Variants in CSNK2A2IP observed in about 807,000 individuals in gnomAD.
CSNK2A2IP encodes casein kinase 2 subunit alpha' interacting protein, also known as casein kinase II subunit alpha'-interacting protein.
the CSNK2A2IP span, among the ~76,000 whole-genome samples, chr3:88,463,550 A>G: frequency 6.6e-6 from 1 of 152,186 alleles, no homozygotes; most frequent in Non-Finnish European, 1.5e-5. Flanking sequence ...CACATGAAAA[A>G]ATGCTCATCA....
the CSNK2A2IP span, among the ~76,000 whole-genome samples, chr3:88,434,785 G>A: frequency 6.6e-6 from 1 of 152,116 alleles, no homozygotes; most frequent in Non-Finnish European, 1.5e-5. Context: ...GACATTTAAA[G>A]ATTCAAAACT....
chr3:88,455,767 T>A, the CSNK2A2IP span, among the ~76,000 whole-genome samples: 6 of 152,106 alleles, frequency 3.9e-5, no homozygotes, highest in Non-Finnish European at 8.8e-5. Context: ...TATAAAAAAA[T>A]CATTACTAAA....
the CSNK2A2IP span, among the ~76,000 whole-genome samples, chr3:88,461,769 A>AT: frequency 4.0e-5 from 6 of 151,740 alleles, no homozygotes; most frequent in African/African-American, 1.5e-4. Flanking sequence ...CACTTTATTG[A>AT]TTTTTTATTT....
chr3:88,339,571 A>G, the CSNK2A2IP span, among the ~76,000 whole-genome samples: 2 of 152,016 alleles, frequency 1.3e-5, no homozygotes, highest in Admixed American at 6.6e-5. Context: ...GCACTCACAT[A>G]TATTTTAAGG....
chr3:88,467,070 T>C, the CSNK2A2IP span: 4 of 872,274 alleles, frequency 4.6e-6, no homozygotes, highest in Non-Finnish European at 6.1e-6. Flanking sequence ...AGGGACTTAA[T>C]ATGAAGCAAA....
the CSNK2A2IP span, among the ~76,000 whole-genome samples, chr3:88,435,909 TTA>T: frequency 1.0e-5 from 1 of 96,114 alleles, no homozygotes; most frequent in Non-Finnish European, 2.1e-5. Flanking sequence ...TATGTGTGCA[TTA>T]TATATATAAT....
the CSNK2A2IP span, among the ~76,000 whole-genome samples, chr3:88,381,158 G>C: frequency 1.3e-5 from 2 of 152,288 alleles, no homozygotes; most frequent in East Asian, 1.9e-4. Flanking sequence ...CCTGAGATTA[G>C]GGTGTGGCAG....
the CSNK2A2IP span, among the ~76,000 whole-genome samples, chr3:88,408,192 A>C: frequency 1.3e-5 from 2 of 152,340 alleles, no homozygotes; most frequent in African/African-American, 4.8e-5. Context: ...CTCAGTGTTC[A>C]ATGTCATGTC....
the CSNK2A2IP span, among the ~76,000 whole-genome samples, chr3:88,399,328 T>C: frequency 3.9e-5 from 6 of 152,312 alleles, no homozygotes; most frequent in South Asian, 1.2e-3. Context: ...AAATACATCA[T>C]CTACCTTCTA....
the CSNK2A2IP span, chr3:88,338,604 A>G: frequency 6.6e-6 from 1 of 152,184 alleles, no homozygotes; most frequent in East Asian, 1.9e-4. Context: ...CACTACAGCT[A>G]TAGGGATGAG....
chr3:88,456,398 A>T, the CSNK2A2IP span, among the ~76,000 whole-genome samples: 1 of 152,098 alleles, frequency 6.6e-6, no homozygotes, highest in Non-Finnish European at 1.5e-5. Flanking sequence ...TTCAGTGAGT[A>T]GAACTTTCAT....
chr3:88,402,121 G>A, the CSNK2A2IP span, among the ~76,000 whole-genome samples: 13 of 151,628 alleles, frequency 8.6e-5, no homozygotes, highest in African/African-American at 3.1e-4. Flanking sequence ...AATTTGGCAA[G>A]CTACATCACA....
chr3:88,414,265 A>C, the CSNK2A2IP span, among the ~76,000 whole-genome samples: 2 of 142,732 alleles, frequency 1.4e-5, no homozygotes, highest in Non-Finnish European at 3.0e-5. Flanking sequence ...AATTGTACCA[A>C]CAAAGTTTTT....
At chr3:88,356,639 A>G in the CSNK2A2IP span, among the ~76,000 whole-genome samples, 1 of 152,052 alleles carries the variant, frequency 6.6e-6, no homozygotes, top group African/African-American at 2.4e-5. Flanking sequence ...ATCATATGAG[A>G]GTTCTATTTT....
chr3:88,415,881 C>T, the CSNK2A2IP span, among the ~76,000 whole-genome samples: 5 of 151,870 alleles, frequency 3.3e-5, no homozygotes, highest in African/African-American at 4.8e-5. Context: ...CTCCATTAGA[C>T]CTTAAGTTCT....
the CSNK2A2IP span, among the ~76,000 whole-genome samples, chr3:88,358,503 T>C: frequency 1.3e-5 from 2 of 150,688 alleles, no homozygotes; most frequent in Non-Finnish European, 3.0e-5. Context: ...GTGTGTTCCT[T>C]TTATACTCTG....
At chr3:88,458,558 G>T in the CSNK2A2IP span, among the ~76,000 whole-genome samples, 1 of 151,688 alleles carries the variant, frequency 6.6e-6, no homozygotes, top group Admixed American at 6.6e-5. Flanking sequence ...CCATCTCATT[G>T]GCTTCTCCTT....
the CSNK2A2IP span, among the ~76,000 whole-genome samples, chr3:88,448,669 C>T: frequency 0.016 from 2,402 of 152,298 alleles, 60 homozygotes; most frequent in African/African-American, 0.055. Context: ...TCTTTTCACA[C>T]GCAGACATAC....
At chr3:88,446,106 CTTTCTTTCTTTT>C in the CSNK2A2IP span, among the ~76,000 whole-genome samples, 66 of 81,420 alleles carry the variant, frequency 8.1e-4, 1 homozygote, top group African/African-American at 3.3e-3. Context: ...TTCTTTTTTT[CTTTCTTTCTTTT>C]TTTTCTTTCT....
Sources: gnomAD v4.1 joint callset for allele counts (sites outside exome capture counted in the v4.1 genomes callset) on GRCh38, gnomAD v4.1.1 for gene constraint, MANE v1.5 for transcripts, NCBI Gene and HGNC (gene_info 2026-07-23, HGNC 2026-07-21) for gene names.